The following RAF1 variants were observed in gnomAD, a reference collection of about 807,000 sequenced individuals.
RAF1 encodes Raf-1 proto-oncogene, serine/threonine kinase.
Under a neutral mutation model 81.1 loss-of-function variants are expected in RAF1, and 27 were observed. That is an observed-to-expected ratio of 0.33 (90% CI 0.25 to 0.46). RAF1 has a LOEUF of 0.46. RAF1 is among the 20% of genes least tolerant of loss of function. The pLI is 1.00. For synonymous variants in RAF1, 298 were observed against 294.0 expected (o/e 1.01, Z -0.14); for missense variants, 598 against 826.0 (o/e 0.72, Z 3.38).
At chr3:12,626,946 C>A (rs1471848077) in intron 1 of RAF1, among the ~76,000 whole-genome samples, 4 of 151,084 alleles carry the variant, frequency 2.6e-5, no homozygotes, top group African/African-American at 9.7e-5. Context: ...ATCGCTTGAA[C>A]CCAGGAGGCA....
rs73132341 is a variant in RAF1, at chr3:12,638,755, A to C, written c.-26-20008T>G. ...AGGGCTCCTGCTCAAGAAATGTAAA[A>C]ATGGGCATGGTGGCTCATGCCTGTA... On this transcript the variant is annotated intron_variant, in intron 1 of 17. Transcript: ENST00000442415. 8.8e-3 allele frequency among the ~76,000 whole-genome samples: 1,346 copies of C among 152,270 alleles called. 17 individuals carry two copies. Among genetic ancestry groups the C allele is most frequent in the African/African-American group, 0.029 (1,225 of 41,572 alleles).
chr3:12,625,385 A>G (rs984506908), intron 1 of RAF1, among the ~76,000 whole-genome samples: 1 of 152,292 alleles, frequency 6.6e-6, no homozygotes, highest in African/African-American at 2.4e-5. Flanking sequence ...GCCCAGACAG[A>G]TTTGTAAAAT....
chr3:12,627,041 A>T, intron 1 of RAF1, among the ~76,000 whole-genome samples: 2 of 150,084 alleles, frequency 1.3e-5, no homozygotes, highest in Middle Eastern at 6.9e-3. Flanking sequence ...AAAAAAAAAG[A>T]AAAGAAAAAA....
intron 2 of RAF1, among the ~76,000 whole-genome samples, chr3:12,615,010 A>G (rs1228102851): frequency 6.6e-6 from 1 of 152,228 alleles, no homozygotes; most frequent in Non-Finnish European, 1.5e-5. Flanking sequence ...TTTAAATATC[A>G]TCTAATCCAG....
rs876657568 is a variant in RAF1, at chr3:12,611,994, T to A, written c.276A>T (p.Gln92His). 6.2e-7 allele frequency: 1 copy of A among 1,614,160 alleles called. No homozygotes were observed. The highest frequency in any genetic ancestry group is 1.6e-4 in the Middle Eastern group (1 of 6,062). The stretch of plus-strand genomic sequence containing the variant: ...GTCTGAACACTGCACAGCACTCTGG[T>A]TGCAGGCCCCTCACCTTGAGTGCTT... Residue 92 changes from glutamine to histidine, a missense_variant, in exon 3 of 18, where the codon CAA becomes CAT. By Grantham distance (24) the Gln-to-His change is conservative. Coordinates refer to ENST00000442415, the MANE Select transcript of RAF1 (RefSeq NM_001354689.3).
chr3:12,585,927 TC>T (rs746695937), intron 14 of RAF1, 128 bp from the exon 14 acceptor site: 18 of 755,928 alleles, frequency 2.4e-5, no homozygotes, highest in Admixed American at 2.0e-4. Flanking sequence ...GCACTGAACT[TC>T]CTAAGGTTTC....
At chr3:12,584,680 T>G (rs760402150) in intron 17 of RAF1, 23 bp from the exon 17 acceptor site, 2 of 1,613,946 alleles carry the variant, frequency 1.2e-6, no homozygotes, top group Non-Finnish European at 1.7e-6. Context: ...CCAAGAATGC[T>G]CTCATTAGCT....
chr3:12,612,850 A>G (rs2059259961), intron 2 of RAF1, among the ~76,000 whole-genome samples: 1 of 152,188 alleles, frequency 6.6e-6, no homozygotes, highest in South Asian at 2.1e-4. Flanking sequence ...TAGATTCATT[A>G]GAGAGGAAAT....
intron 1 of RAF1, among the ~76,000 whole-genome samples, chr3:12,661,276 C>A (rs2060868796): frequency 6.6e-6 from 1 of 152,100 alleles, no homozygotes; most frequent in Admixed American, 6.6e-5. Flanking sequence ...AGGTTGTTAT[C>A]CGAGAAGTCA....
chr3:12,643,551 G>A (rs1364772891), intron 1 of RAF1, among the ~76,000 whole-genome samples: 3 of 151,958 alleles, frequency 2.0e-5, no homozygotes, highest in Non-Finnish European at 2.9e-5. Context: ...AACCAGCCTG[G>A]CCAACATAGT....
At chr3:12,652,072 T>G (rs914605400) in intron 1 of RAF1, among the ~76,000 whole-genome samples, 1 of 150,120 alleles carries the variant, frequency 6.7e-6, no homozygotes. Flanking sequence ...AAAAATTAGC[T>G]GGGCAGGGTG....
At chr3:12,626,822 G>A (rs1575615353) in intron 1 of RAF1, among the ~76,000 whole-genome samples, 2 of 151,724 alleles carry the variant, frequency 1.3e-5, no homozygotes, top group Admixed American at 1.3e-4. Context: ...TCAGGAGTTC[G>A]AGATCAGCCT....
At chr3:12,607,949 CAAAAAAAAAAAAAA>C (rs58308841) in intron 5 of RAF1, among the ~76,000 whole-genome samples, 2 of 66,860 alleles carry the variant, frequency 3.0e-5, no homozygotes, top group African/African-American at 1.2e-4. Context: ...GACTTGTCTC[CAAAAAAAAAAAAAA>C]AAAAAAAAAA....
intron 1 of RAF1, among the ~76,000 whole-genome samples, chr3:12,642,719 C>CACACACACACACAAAAAA (rs1491570753): frequency 7.1e-6 from 1 of 141,376 alleles, no homozygotes; most frequent in African/African-American, 2.7e-5. Context: ...CACACACACA[C>CACACACACACACAAAAAA]AAAATAGCTG....
intron 11 of RAF1, among the ~76,000 whole-genome samples, chr3:12,593,164 C>T (rs1180541983): frequency 6.6e-6 from 1 of 150,768 alleles, no homozygotes; most frequent in Non-Finnish European, 1.5e-5. Flanking sequence ...AATCTTGGCT[C>T]ACTGCAACCT....
At chr3:12,596,492 C>T (rs1043298452) in intron 11 of RAF1, among the ~76,000 whole-genome samples, 1 of 152,166 alleles carries the variant, frequency 6.6e-6, no homozygotes, top group Non-Finnish European at 1.5e-5. Flanking sequence ...CCGCACCCAG[C>T]CTTGATGCCA....
chr3:12,644,629 C>T (rs1219805379), intron 1 of RAF1, among the ~76,000 whole-genome samples: 2 of 152,174 alleles, frequency 1.3e-5, no homozygotes, highest in East Asian at 3.8e-4. Context: ...GCAGTCAAAT[C>T]TTCCTATTGC....
intron 5 of RAF1, among the ~76,000 whole-genome samples, chr3:12,606,799 C>T (rs577861902): frequency 6.6e-6 from 1 of 152,216 alleles, no homozygotes; most frequent in East Asian, 1.9e-4. Context: ...TGGTGTGCTG[C>T]ACCCAGTAAC....
chr3:12,591,537 T>C (rs1291443980), intron 12 of RAF1, among the ~76,000 whole-genome samples, 171 bp downstream of exon 11: 4 of 152,108 alleles, frequency 2.6e-5, no homozygotes, highest in African/African-American at 4.8e-5. Flanking sequence ...CCACATAAAC[T>C]AAAGGAAACA....
Sources: allele counts gnomAD v4.1 joint callset (sites outside exome capture counted in the v4.1 genomes callset), GRCh38; gene constraint gnomAD v4.1.1; transcripts MANE v1.5; gene names NCBI Gene and HGNC (gene_info 2026-07-23, HGNC 2026-07-21).